Variants in RTL9 observed in about 807,000 individuals in gnomAD.
RTL9 encodes retrotransposon Gag-like protein 9.
Under a neutral mutation model 44.7 loss-of-function variants are expected in RTL9, and 19 were observed. That is an observed-to-expected ratio of 0.42 (90% CI 0.30 to 0.62). The LOEUF (loss-of-function observed/expected upper bound fraction) is 0.62, where lower values mean the gene tolerates loss of function less well. Ranked by LOEUF, RTL9 falls within the 20% of genes least tolerant of loss-of-function variation. RTL9 has a pLI of 0.16. For missense variants in RTL9, 1,105 were observed against 1,080.6 expected (o/e 1.02, Z -0.32); for synonymous variants, 407 against 398.9 (o/e 1.02, Z -0.24).
At chrX:110,402,357 T>C (rs1269249598) in intron 1 of RTL9, among the ~76,000 whole-genome samples, 1 of 113,127 alleles carries the variant, frequency 8.8e-6, no homozygotes, top group African/African-American at 3.2e-5. Context: ...GCAAGGTTTG[T>C]CTGTCAGGGT....
At chrX:110,400,788 A>G (rs1265098360) in intron 1 of RTL9, among the ~76,000 whole-genome samples, 1 of 111,541 alleles carries the variant, frequency 9.0e-6, no homozygotes, top group Non-Finnish European at 1.9e-5. Flanking sequence ...GCCCACTTGA[A>G]TGTGAGCCCC....
upstream of RTL9, among the ~76,000 whole-genome samples, chrX:110,446,873 T>C (rs1422401911): frequency 2.7e-5 from 3 of 111,705 alleles, no homozygotes; most frequent in Non-Finnish European, 5.6e-5. Context: ...CAGTGCCCTG[T>C]AGCTGTGTGA....
upstream of RTL9, among the ~76,000 whole-genome samples, chrX:110,418,282 C>T (rs1262571443): frequency 1.1e-4 from 12 of 112,189 alleles, no homozygotes; most frequent in African/African-American, 3.6e-4. Flanking sequence ...AGGTACTCTG[C>T]CCCAAAGGCT....
chrX:110,364,905 T>C (rs756116469), intron 1 of RTL9, among the ~76,000 whole-genome samples: 1 of 112,391 alleles, frequency 8.9e-6, no homozygotes, highest in Admixed American at 9.4e-5. Context: ...TATTTGTTCC[T>C]GAGCCTCAGC....
chrX:110,400,770 G>A, intron 1 of RTL9, among the ~76,000 whole-genome samples: 1 of 111,505 alleles, frequency 9.0e-6, no homozygotes, highest in Middle Eastern at 4.6e-3. Context: ...AGAGTTTGTT[G>A]GATCTTTGCC....
intron 1 of RTL9, among the ~76,000 whole-genome samples, chrX:110,402,615 G>A (rs1414969161): frequency 8.9e-6 from 1 of 112,761 alleles, no homozygotes; most frequent in Non-Finnish European, 1.9e-5. Flanking sequence ...GAATCACCAA[G>A]GTTGGGAAGC....
exon 1 of RTL9, chrX:110,453,306 G>C: frequency 1.7e-6 from 2 of 1,211,003 alleles, no homozygotes; most frequent in Non-Finnish European, 2.2e-6. Flanking sequence ...CTCTGGAGGG[G>C]TGTCCTCACC....
intron 1 of RTL9, among the ~76,000 whole-genome samples, chrX:110,431,430 T>C (rs375949033): frequency 8.2e-5 from 9 of 109,875 alleles, no homozygotes; most frequent in African/African-American, 3.0e-4. Flanking sequence ...AGAGAGCTCA[T>C]GTTGAAGAAG....
rs554107689 is a variant in RTL9, at chrX:110,379,132, C to T, written c.-168+20216C>T. Among the ~76,000 whole-genome samples, 18 of 111,740 alleles carry T rather than the reference C, an allele frequency of 1.6e-4. No homozygotes were observed. The Middle Eastern group carries it at 0.014, about 87-fold the overall frequency. ...TTCATGATACTCGTTATCATACCAC[C>T]CCCATCTGCTTTTCAGTGTACCTTT... On this transcript the variant is annotated intron_variant, in intron 1 of 2. Coordinates refer to the RTL9 transcript ENST00000520821.
At chrX:110,439,699 C>G (rs761543600) in intron 1 of RTL9, among the ~76,000 whole-genome samples, 1 of 111,268 alleles carries the variant, frequency 9.0e-6, no homozygotes, top group South Asian at 3.9e-4. Context: ...TGGGAAAGAA[C>G]GAACAGGCAT....
chrX:110,392,884 T>C (rs1301290967), intron 1 of RTL9, among the ~76,000 whole-genome samples: 1 of 111,753 alleles, frequency 8.9e-6, no homozygotes, highest in African/African-American at 3.3e-5. Context: ...GATTTGATGG[T>C]ATGTATATGT....
At chrX:110,422,118 G>A (rs1205790467) in intron 1 of RTL9, among the ~76,000 whole-genome samples, 1 of 113,090 alleles carries the variant, frequency 8.8e-6, no homozygotes, top group African/African-American at 3.2e-5. Context: ...ACTTGGCATA[G>A]TGCCTGGCAC....
At position 110,451,954 on chromosome X, in the gene RTL9, G is replaced by C. The variant is rs764442457; in HGVS notation, c.1337G>C (p.Ser446Thr). The C allele has an allele frequency of 9.1e-6, 11 of 1,210,571 alleles. No homozygotes were observed. The South Asian group carries it at 1.9e-4, about 21-fold the overall frequency. ...ACCACCTCACTGATGACAGTCCCAA[G>C]CTCTGGAGTGATGTCCACAGAGCAA... is the stretch of plus-strand genomic sequence containing the variant. The change falls in exon 1 of 2, where the codon AGC (serine) becomes ACC (threonine). Residue 446 changes from serine to threonine, a missense_variant. Physicochemically the swap from Ser to Thr is moderately conservative, Grantham distance 58. Transcript: ENST00000540313.
exon 1 of RTL9, chrX:110,453,404 A>T (rs765343424): frequency 8.3e-7 from 1 of 1,210,855 alleles, no homozygotes; most frequent in South Asian, 1.8e-5. Flanking sequence ...AGTTAATGAG[A>T]GCTTCAGCCT....
intron 1 of RTL9, among the ~76,000 whole-genome samples, chrX:110,406,676 C>T (rs189733443): frequency 1.3e-4 from 15 of 112,070 alleles, no homozygotes; most frequent in Non-Finnish European, 1.7e-4. Context: ...CTTGAAGAAT[C>T]TCCAGTGTCT....
chrX:110,436,776 G>A (rs958334059), intron 1 of RTL9, among the ~76,000 whole-genome samples: 2 of 112,015 alleles, frequency 1.8e-5, no homozygotes, highest in Non-Finnish European at 3.8e-5. Context: ...TCCCCTGAGG[G>A]AGGTAGAGAG....
chrX:110,406,676 C>A (rs189733443), intron 1 of RTL9, among the ~76,000 whole-genome samples: 1 of 112,018 alleles, frequency 8.9e-6, no homozygotes, highest in Non-Finnish European at 1.9e-5. Context: ...CTTGAAGAAT[C>A]TCCAGTGTCT....
chrX:110,446,690 A>G (rs1295170794), upstream of RTL9, among the ~76,000 whole-genome samples: 1 of 111,576 alleles, frequency 9.0e-6, no homozygotes, highest in Non-Finnish European at 1.9e-5. Context: ...GCAGAAATCT[A>G]CATATTTATC....
In RTL9 at chrX:110,421,065, A is replaced by G. The variant is rs564530770; in HGVS notation, c.-168+1930A>G. On this transcript the variant is annotated intron_variant, in intron 1 of 3. Coordinates refer to the RTL9 transcript ENST00000465301. ...AAAAGGCAATCATGATATGCTGGTC[A>G]TTTAACACAGCTGGGAATGCAACTG... Among the ~76,000 whole-genome samples the G allele has an allele frequency of 2.7e-5, 3 of 112,352 alleles. No individual in the cohort carries two copies. The South Asian group carries it at 1.1e-3, about 42-fold the overall frequency.
Sources: allele counts gnomAD v4.1 joint callset (sites outside exome capture counted in the v4.1 genomes callset), GRCh38; gene constraint gnomAD v4.1.1; transcripts MANE v1.5; gene names NCBI Gene and HGNC (gene_info 2026-07-23, HGNC 2026-07-21).